Variants in CHST9 observed in about 807,000 individuals in gnomAD.
The protein encoded by CHST9 is carbohydrate sulfotransferase 9, also known as GalNAc-4-sulfotransferase 2.
In CHST9, 41 loss-of-function variants were observed where a neutral mutation model predicts 44.4. That is an observed-to-expected ratio of 0.92 (90% CI 0.72 to 1.20). CHST9 has a LOEUF of 1.20. CHST9 is among the 50% of genes most tolerant of loss of function. The pLI is 0.00. For missense variants in CHST9, 504 were observed against 516.5 expected, an observed-to-expected ratio of 0.98 and a Z score of 0.23; for synonymous variants, 171 against 178.4, an observed-to-expected ratio of 0.96 and a Z score of 0.33.
chr18:27,158,385 G>A (rs1425298681), intron 1 of CHST9, among the ~76,000 whole-genome samples: 1 of 151,718 alleles, frequency 6.6e-6, no homozygotes, highest in Non-Finnish European at 1.5e-5. Context: ...ATAGTTTGCT[G>A]AGAATGATGG....
At chr18:27,015,323 T>TTG (rs10690815) in intron 4 of CHST9, among the ~76,000 whole-genome samples, 42,989 of 146,216 alleles carry the variant, frequency 0.29, 6,398 homozygotes, top group Middle Eastern at 0.42. Flanking sequence ...AGAGAGGCAG[T>TTG]TGTGTGTGTG....
intron 5 of CHST9, 58 bp downstream of exon 5, chr18:26,944,271 T>C (rs1204535376): frequency 7.8e-7 from 1 of 1,286,640 alleles, no homozygotes. Flanking sequence ...TATTTACACA[T>C]GTTTATTAAC....
At chr18:27,162,570 T>G (rs2058756148) in intron 1 of CHST9, among the ~76,000 whole-genome samples, 1 of 152,180 alleles carries the variant, frequency 6.6e-6, no homozygotes, top group Admixed American at 6.5e-5. Context: ...CTTTGGTGAA[T>G]CTGACAATTA....
chr18:27,128,985 C>T (rs1224996623), intron 2 of CHST9, among the ~76,000 whole-genome samples: 2 of 152,158 alleles, frequency 1.3e-5, no homozygotes, highest in Non-Finnish European at 2.9e-5. Context: ...GGTCCTAACC[C>T]TCATGGGGCT....
chr18:27,022,585 C>T (rs2057238786), intron 4 of CHST9, among the ~76,000 whole-genome samples: 1 of 152,176 alleles, frequency 6.6e-6, no homozygotes. Flanking sequence ...CAGCTCTATA[C>T]AACTAACTCT....
intron 4 of CHST9, among the ~76,000 whole-genome samples, chr18:26,967,922 G>C (rs937289786): frequency 4.6e-5 from 7 of 152,206 alleles, no homozygotes; most frequent in African/African-American, 1.7e-4. Flanking sequence ...CATACTGGAT[G>C]CTTCCTGCCC....
At chr18:27,167,531 G>A (rs187627874) in intron 1 of CHST9, among the ~76,000 whole-genome samples, 206 of 152,302 alleles carry the variant, frequency 1.4e-3, no homozygotes, top group African/African-American at 4.5e-3. Context: ...ATACTCTGAT[G>A]ATAACAGCAA....
intron 2 of CHST9, among the ~76,000 whole-genome samples, chr18:27,064,971 G>C (rs1055507062): frequency 6.6e-6 from 1 of 152,160 alleles, no homozygotes; most frequent in Non-Finnish European, 1.5e-5. Context: ...TAGTTTTGGT[G>C]CATACAAATA....
chr18:26,986,859 A>G (rs1054077990), intron 4 of CHST9, among the ~76,000 whole-genome samples: 11 of 152,212 alleles, frequency 7.2e-5, no homozygotes, highest in African/African-American at 2.7e-4. Flanking sequence ...TAAAGGTTAA[A>G]TAAAGATGTT....
chr18:27,138,543 C>CACAATTG (rs201919983), intron 2 of CHST9, among the ~76,000 whole-genome samples: 1,707 of 152,142 alleles, frequency 0.011, 28 homozygotes, highest in African/African-American at 0.036. Context: ...CAAGCTTGGG[C>CACAATTG]ACAATTGAAT....
chr18:27,142,299 A>G (rs145694026), intron 2 of CHST9, among the ~76,000 whole-genome samples: 151 of 152,352 alleles, frequency 9.9e-4, no homozygotes, highest in East Asian at 7.7e-4. Context: ...TTGAGTATCA[A>G]TATAAATTAA....
intron 4 of CHST9, among the ~76,000 whole-genome samples, chr18:26,963,828 T>C (rs2056430548): frequency 6.6e-6 from 1 of 152,174 alleles, no homozygotes; most frequent in Non-Finnish European, 1.5e-5. Context: ...CCCTACCTCT[T>C]GAGGTTTTCA....
At chr18:26,968,143 T>C (rs2056490982) in intron 4 of CHST9, among the ~76,000 whole-genome samples, 1 of 152,162 alleles carries the variant, frequency 6.6e-6, no homozygotes. Context: ...GTGACTCAAT[T>C]CTTCTAATAA....
At chr18:27,104,184 C>T (rs1171518096) in intron 2 of CHST9, among the ~76,000 whole-genome samples, 4 of 152,186 alleles carry the variant, frequency 2.6e-5, no homozygotes, top group Admixed American at 1.3e-4. Context: ...CTTCATATGT[C>T]ATTTAAGTAA....
rs1340197706 is a variant in CHST9 at position 26,908,582 on chromosome 18, A to C, written c.*7677T>G. Reference sequence around the variant, plus strand: ...AAAAGAAGTAATTTTTAAATAAATAAATAAAAAAGGCAGGACTTCTATTCA... The same window carrying C: ...AAAAGAAGTAATTTTTAAATAAATACATAAAAAAGGCAGGACTTCTATTCA... On this transcript the variant is annotated 3_prime_UTR_variant, in exon 6 of 6. Coordinates refer to ENST00000618847, the MANE Select transcript of CHST9 (RefSeq NM_031422.6). The C allele has an allele frequency of 1.3e-5, 2 of 152,212 alleles. No individual in the cohort carries two copies. Among genetic ancestry groups the C allele is most frequent in the African/African-American group, 4.8e-5 (2 of 41,456 alleles). 9.4% of individuals were successfully genotyped at this position (152,212 alleles called of 1,614,324 possible). A position where few individuals can be genotyped will look rare whatever the true frequency, so the allele number is the denominator to read the frequency against.
intron 2 of CHST9, among the ~76,000 whole-genome samples, chr18:27,126,261 A>C (rs1020255565): frequency 3.8e-4 from 58 of 152,308 alleles, no homozygotes; most frequent in African/African-American, 1.3e-3. Context: ...CAAGATTTCT[A>C]ACTTGATATT....
At position 26,912,020 on chromosome 18, in the gene CHST9, T is replaced by G. The variant is rs186353712; in HGVS notation, c.*4239A>C. On this transcript the variant is annotated 3_prime_UTR_variant, in exon 6 of 6. Transcript: ENST00000618847. ...TTGCTCTGTTTCTAGCAGGAGTGGT[T>G]CTCACTGTGTGTGACTAGCTTGCTG... is the stretch of plus-strand genomic sequence containing the variant. 9.2e-5 allele frequency: 14 copies of G among 152,300 alleles called. No homozygotes were observed. In the East Asian group the frequency reaches 1.2e-3, roughly 13 times the overall value. The allele number at this position is 152,300 out of a possible 1,614,324, so 9.4% of individuals were successfully genotyped here.
intron 2 of CHST9, among the ~76,000 whole-genome samples, chr18:27,136,681 T>G (rs2143851021): frequency 6.6e-6 from 1 of 152,350 alleles, no homozygotes; most frequent in Non-Finnish European, 1.5e-5. Context: ...ACCCAATAAC[T>G]GCTAAACTAT....
chr18:27,148,489 T>C (rs1479710910), intron 1 of CHST9, among the ~76,000 whole-genome samples: 9 of 143,814 alleles, frequency 6.3e-5, no homozygotes, highest in Non-Finnish European at 1.4e-4. Context: ...TTCCCACCTA[T>C]GAGTGAGAAC....
Sources: allele counts gnomAD v4.1 joint callset (sites outside exome capture counted in the v4.1 genomes callset), GRCh38; gene constraint gnomAD v4.1.1; transcripts MANE v1.5; gene names NCBI Gene and HGNC (gene_info 2026-07-23, HGNC 2026-07-21).